B3GALNT2: variants seen among roughly 807,000 people sequenced by gnomAD.
The protein encoded by B3GALNT2 is beta-1,3-N-acetylgalactosaminyltransferase 2.
A neutral mutation model predicts 61.1 loss-of-function variants in B3GALNT2; 53 were observed. The ratio of observed to expected loss-of-function variants is 0.87; its 90% CI spans 0.70 to 1.09. The LOEUF is 1.09. Among genes scored for constraint, B3GALNT2 ranks in the 50% least tolerant of loss-of-function variants. The pLI, the probability that B3GALNT2 is intolerant of heterozygous loss-of-function variation, is 0.00. For synonymous variants in B3GALNT2, 223 were observed against 237.4 expected, an observed-to-expected ratio of 0.94 and a Z score of 0.56; for missense variants, 544 against 623.0, an observed-to-expected ratio of 0.87 and a Z score of 1.35.
At chr1:235,474,296 T>C (rs541351182) in intron 5 of B3GALNT2, among the ~76,000 whole-genome samples, 1 of 152,150 alleles carries the variant, frequency 6.6e-6, no homozygotes, top group African/African-American at 2.4e-5. Context: ...TGGGAAAAAA[T>C]AGCATGATAC....
intron 11 of B3GALNT2, chr1:235,452,034 A>C (rs1682936980): frequency 6.6e-6 from 1 of 151,218 alleles, no homozygotes; most frequent in Non-Finnish European, 1.5e-5. Context: ...TTTTTTTGAG[A>C]CGGAGTCTCG....
intron 3 of B3GALNT2, among the ~76,000 whole-genome samples, chr1:235,487,889 A>G (rs1684877190): frequency 6.6e-6 from 1 of 152,082 alleles, no homozygotes; most frequent in South Asian, 2.1e-4. Context: ...GCTGGACCCA[A>G]GCAGTCCTCC....
chr1:235,491,387 A>G (rs984950915), intron 2 of B3GALNT2, among the ~76,000 whole-genome samples: 10 of 152,226 alleles, frequency 6.6e-5, no homozygotes, highest in African/African-American at 2.4e-4. Flanking sequence ...TTATCTGTCA[A>G]TTACAGGCTG....
rs1489340813 is a variant in B3GALNT2 at position 235,470,860 on chromosome 1, CTG to C, written c.750_751del (p.Arg251SerfsTer12). The C allele has an allele frequency of 6.2e-7, 1 of 1,613,826 alleles. No individual in the cohort carries two copies. On this transcript the variant is annotated frameshift_variant, in exon 6 of 12. Transcript: ENST00000366600. LOFTEE classifies it high-confidence loss of function. ...AAAAAAACGACTTACTGTAATGACT[CTG>C]AGAACTCCCCCTCCATCATTCACTG...
intron 5 of B3GALNT2, chr1:235,479,049 G>T (rs1228302641): frequency 6.6e-6 from 1 of 152,136 alleles, no homozygotes. Context: ...TGGAGGTTCA[G>T]ATACAAATGA....
chr1:235,452,018 A>C (rs1682935154), intron 11 of B3GALNT2: 1 of 70,104 alleles, frequency 1.4e-5, no homozygotes, highest in African/African-American at 1.2e-4. Flanking sequence ...TCTGTCGTTC[A>C]GTTTTTTTTT....
At chr1:235,476,888 G>C (rs752461857) in intron 5 of B3GALNT2, among the ~76,000 whole-genome samples, 6 of 151,692 alleles carry the variant, frequency 4.0e-5, no homozygotes, top group Non-Finnish European at 8.8e-5. Context: ...AGTTGGGTCT[G>C]GTGGCAGGTG....
At chr1:235,440,532 A>G in the B3GALNT2 span, among the ~76,000 whole-genome samples, 1 of 152,064 alleles carries the variant, frequency 6.6e-6, no homozygotes, top group Non-Finnish European at 1.5e-5. Flanking sequence ...AGCTGGGATT[A>G]CAGGCGTCTG....
chr1:235,464,011 G>T (rs767964918), intron 7 of B3GALNT2: 1 of 152,242 alleles, frequency 6.6e-6, no homozygotes, highest in Non-Finnish European at 1.5e-5. Flanking sequence ...CAACAAATGG[G>T]TGCTGGGACA....
At chr1:235,474,147 T>C (rs1684130638) in intron 5 of B3GALNT2, among the ~76,000 whole-genome samples, 1 of 152,218 alleles carries the variant, frequency 6.6e-6, no homozygotes, top group Non-Finnish European at 1.5e-5. Flanking sequence ...CAGTTTAATT[T>C]CTATTCCTCA....
At chr1:235,492,300 G>GT (rs1685104176) in intron 2 of B3GALNT2, among the ~76,000 whole-genome samples, 1 of 152,096 alleles carries the variant, frequency 6.6e-6, no homozygotes, top group Non-Finnish European at 1.5e-5. Flanking sequence ...ACCAAATTTG[G>GT]TTTTTTAGCC....
At chr1:235,492,503 C>T (rs1685114053) in intron 2 of B3GALNT2, among the ~76,000 whole-genome samples, 1 of 152,196 alleles carries the variant, frequency 6.6e-6, no homozygotes, top group African/African-American at 2.4e-5. Context: ...ATATTCATTA[C>T]ATTTGGTTCT....
At chr1:235,456,703 T>C (rs534153654) in intron 8 of B3GALNT2, among the ~76,000 whole-genome samples, 4 of 152,228 alleles carry the variant, frequency 2.6e-5, no homozygotes, top group African/African-American at 9.6e-5. Flanking sequence ...GGAGAGAAGG[T>C]GGCAGCCAAC....
chr1:235,441,529 A>G, the B3GALNT2 span: 11 of 455,886 alleles, frequency 2.4e-5, no homozygotes, highest in Non-Finnish European at 4.0e-5. Context: ...ACACATGTAA[A>G]CATGTTGCTT....
intron 5 of B3GALNT2, among the ~76,000 whole-genome samples, chr1:235,477,311 TTC>T (rs1417182715): frequency 1.3e-5 from 2 of 152,178 alleles, no homozygotes; most frequent in African/African-American, 4.8e-5. Context: ...ACACACACTT[TTC>T]TGTTGTTGGA....
intron 5 of B3GALNT2, among the ~76,000 whole-genome samples, chr1:235,478,377 T>C (rs1233895683): frequency 2.0e-5 from 3 of 152,138 alleles, no homozygotes; most frequent in Non-Finnish European, 4.4e-5. Context: ...AAGTAAAAGG[T>C]AACTTTGATG....
At chr1:235,504,116 A>T (rs1685719301) in intron 1 of B3GALNT2, 25 bp downstream of exon 1, 1 of 977,450 alleles carries the variant, frequency 1.0e-6, no homozygotes, top group South Asian at 4.7e-5. Context: ...GGCGGCCGCC[A>T]ACCCGCCCGG....
rs548069949 is a variant in B3GALNT2, at chr1:235,490,443, C to G, written c.261-1175G>C. Reference sequence around the variant, plus strand: ...ACGGGATTTCACCATGTTGGCCAGGCTGGTCTCGAACTCTTGGCGTCAAGT... The same window carrying G: ...ACGGGATTTCACCATGTTGGCCAGGGTGGTCTCGAACTCTTGGCGTCAAGT... On this transcript the variant is annotated intron_variant, in intron 2 of 11. Coordinates refer to ENST00000366600, the MANE Select transcript of B3GALNT2 (RefSeq NM_152490.5). Among the ~76,000 whole-genome samples, 7 of 152,252 alleles carry G rather than the reference C, an allele frequency of 4.6e-5. No homozygotes were observed. The East Asian group carries it at 1.4e-3, about 29-fold the overall frequency.
chr1:235,470,868 T>A lies in B3GALNT2; in HGVS notation c.744A>T (p.Gly248=), dbSNP rs1341654370. The stretch of plus-strand genomic sequence containing the variant: ...GACTTACTGTAATGACTCTGAGAAC[T>A]CCCCCTCCATCATTCACTGTCACTT... ...LHKVTVNDGG[G]VLRVITAGEG... Residue 248 remains glycine (G), a synonymous_variant, in exon 6 of 12, where the codon GGA becomes GGT. Transcript: ENST00000366600. 1.9e-6 allele frequency: 3 copies of A among 1,613,596 alleles called. No homozygotes were observed. The African/African-American group carries it at 4.0e-5, about 22-fold the overall frequency.
Sources: gnomAD v4.1 joint callset for allele counts (sites outside exome capture counted in the v4.1 genomes callset) on GRCh38, gnomAD v4.1.1 for gene constraint, MANE v1.5 for transcripts, NCBI Gene and HGNC (gene_info 2026-07-23, HGNC 2026-07-21) for gene names.